The following ADAMTSL1 variants were observed in gnomAD, a reference collection of about 807,000 sequenced individuals.
The protein encoded by ADAMTSL1 is ADAMTS like 1, also known as ADAMTS-like protein 1.
Under a neutral mutation model 201.8 loss-of-function variants are expected in ADAMTSL1, and 126 were observed. The observed-to-expected ratio is 0.62, with a 90% CI of 0.54 to 0.72. The LOEUF (loss-of-function observed/expected upper bound fraction) is 0.72. Ranked by LOEUF, ADAMTSL1 falls within the 30% of genes least tolerant of loss-of-function variation. ADAMTSL1 has a pLI of 0.00. For synonymous variants in ADAMTSL1, 1,121 were observed against 903.4 expected, an observed-to-expected ratio of 1.24 and a Z score of -4.32; for missense variants, 2,679 against 2,277.8, an observed-to-expected ratio of 1.18 and a Z score of -3.59.
intron 3 of ADAMTSL1, among the ~76,000 whole-genome samples, chr9:18,571,027 G>A (rs1380568682): frequency 6.6e-6 from 1 of 152,066 alleles, no homozygotes; most frequent in Non-Finnish European, 1.5e-5. Flanking sequence ...GAACCTAAAG[G>A]TCTTAACATT....
chr9:18,429,046 T>C (rs1173338603), intron 2 of ADAMTSL1, among the ~76,000 whole-genome samples: 1 of 152,218 alleles, frequency 6.6e-6, no homozygotes, highest in Non-Finnish European at 1.5e-5. Flanking sequence ...GTGTCTGAAT[T>C]ATAGCATTTT....
intron 1 of ADAMTSL1, among the ~76,000 whole-genome samples, chr9:17,936,736 C>T (rs548437817): frequency 6.6e-6 from 1 of 152,158 alleles, no homozygotes; most frequent in Non-Finnish European, 1.5e-5. Context: ...TGCCAAATAT[C>T]TCCCCAACCT....
In ADAMTSL1 at chr9:18,415,091, A is replaced by T. The variant is rs548302677; in HGVS notation, c.208-89738A>T. 2.0e-5 allele frequency among the ~76,000 whole-genome samples: 3 copies of T among 152,366 alleles called. No individual in the cohort carries two copies. In the South Asian group the frequency reaches 6.2e-4, roughly 32 times the overall value. On this transcript the variant is annotated intron_variant, in intron 2 of 29. Transcript: ENST00000680146. ...TCCAAGTAACTTAAATGCAGCTCAG[A>T]ACAAAGCTTAAGAATGTTTACATAA...
At chr9:18,834,361 T>C (rs961001271) in intron 23 of ADAMTSL1, among the ~76,000 whole-genome samples, 6 of 152,172 alleles carry the variant, frequency 3.9e-5, no homozygotes, top group African/African-American at 1.4e-4. Context: ...CTCTAATTTC[T>C]TGCAGCAGTG....
intron 15 of ADAMTSL1, among the ~76,000 whole-genome samples, chr9:18,727,905 A>T (rs1817985515): frequency 1.3e-5 from 2 of 151,734 alleles, no homozygotes; most frequent in South Asian, 2.1e-4. Flanking sequence ...CGTGGCAAAA[A>T]CCCGTCTCTA....
intron 2 of ADAMTSL1, among the ~76,000 whole-genome samples, chr9:18,399,468 AG>A (rs1587077519): frequency 1.3e-5 from 2 of 150,810 alleles, no homozygotes; most frequent in Admixed American, 1.3e-4. Context: ...CAGCCTCCCA[AG>A]TAGCTGGGAT....
At chr9:18,691,687 C>G (rs1036651097) in intron 13 of ADAMTSL1, among the ~76,000 whole-genome samples, 1 of 152,126 alleles carries the variant, frequency 6.6e-6, no homozygotes, top group Non-Finnish European at 1.5e-5. Flanking sequence ...CAGCTCTGCA[C>G]AGTGACTAAA....
rs978984333 is a variant in ADAMTSL1 at position 18,669,368 on chromosome 9, A to G, written c.1086-6489A>G. On this transcript the variant is annotated intron_variant, in intron 9 of 28. Coordinates refer to ENST00000380548, the MANE Select transcript of ADAMTSL1 (RefSeq NM_001040272.6). The stretch of plus-strand genomic sequence containing the variant: ...AGAATGTTTAACCCCACAAATGTAG[A>G]TGTGAGGAAGTATTCAATGATTTGA... Among the ~76,000 whole-genome samples the G allele has an allele frequency of 2.0e-5, 3 of 152,240 alleles. No homozygotes were observed. In the East Asian group the frequency reaches 5.8e-4, roughly 29 times the overall value.
chr9:17,989,643 C>A (rs944671821), intron 1 of ADAMTSL1, among the ~76,000 whole-genome samples: 1 of 151,988 alleles, frequency 6.6e-6, no homozygotes, highest in South Asian at 2.1e-4. Flanking sequence ...ATTGAGAATA[C>A]TCCCTTTGCC....
chr9:18,628,950 C>T (rs908641671), intron 5 of ADAMTSL1, among the ~76,000 whole-genome samples: 1 of 152,146 alleles, frequency 6.6e-6, no homozygotes, highest in Non-Finnish European at 1.5e-5. Context: ...TACAGACCCA[C>T]ATTCCTTAGC....
intron 2 of ADAMTSL1, among the ~76,000 whole-genome samples, chr9:18,367,457 C>T (rs1836818253): frequency 6.6e-6 from 1 of 151,592 alleles, no homozygotes; most frequent in Admixed American, 6.6e-5. Flanking sequence ...TGGGTCTAAG[C>T]CCTAGGGTTG....
intron 1 of ADAMTSL1, among the ~76,000 whole-genome samples, chr9:18,074,950 A>C (rs1043617590): frequency 6.6e-6 from 1 of 152,054 alleles, no homozygotes; most frequent in Non-Finnish European, 1.5e-5. Context: ...AGGCAGAACA[A>C]ATTTATTGGA....
At chr9:18,700,361 C>T (rs772652532) in intron 13 of ADAMTSL1, among the ~76,000 whole-genome samples, 4 of 152,012 alleles carry the variant, frequency 2.6e-5, no homozygotes, top group East Asian at 3.9e-4. Flanking sequence ...AGTTTTTACA[C>T]GAGATCTTCT....
chr9:18,311,642 G>A (rs1223954574), intron 2 of ADAMTSL1, among the ~76,000 whole-genome samples: 1 of 152,126 alleles, frequency 6.6e-6, no homozygotes, highest in African/African-American at 2.4e-5. Flanking sequence ...AATCCTAATG[G>A]GATTCGATGC....
At chr9:18,014,368 C>CCA (rs2131564512) in intron 1 of ADAMTSL1, among the ~76,000 whole-genome samples, 1 of 152,150 alleles carries the variant, frequency 6.6e-6, no homozygotes, top group South Asian at 2.1e-4. Flanking sequence ...GAATGGAAAC[C>CCA]TTGGTTATTT....
At chr9:18,189,385 T>G (rs764599822) in intron 2 of ADAMTSL1, among the ~76,000 whole-genome samples, 21 of 152,170 alleles carry the variant, frequency 1.4e-4, no homozygotes, top group Non-Finnish European at 2.6e-4. Flanking sequence ...GACTTCCCAG[T>G]TGATCTAAGC....
intron 2 of ADAMTSL1, among the ~76,000 whole-genome samples, chr9:18,269,776 T>G (rs987493035): frequency 1.1e-4 from 17 of 151,812 alleles, no homozygotes; most frequent in African/African-American, 3.1e-4. Context: ...TCCCAGAACT[T>G]GAAACAAATG....
At chr9:18,029,728 G>T (rs1201072643) in intron 1 of ADAMTSL1, among the ~76,000 whole-genome samples, 1 of 152,148 alleles carries the variant, frequency 6.6e-6, no homozygotes, top group South Asian at 2.1e-4. Context: ...CCATCAAAAA[G>T]TGGGTGAAGG....
chr9:18,000,171 A>G (rs1398170324), intron 1 of ADAMTSL1, among the ~76,000 whole-genome samples: 3 of 150,804 alleles, frequency 2.0e-5, no homozygotes, highest in Non-Finnish European at 4.4e-5. Context: ...ATCCCTGAGG[A>G]ATCGCCACAC....
Sources: gnomAD v4.1 joint callset for allele counts (sites outside exome capture counted in the v4.1 genomes callset) on GRCh38, gnomAD v4.1.1 for gene constraint, MANE v1.5 for transcripts, NCBI Gene and HGNC (gene_info 2026-07-23, HGNC 2026-07-21) for gene names.